Variants in ADAM7 observed in about 807,000 individuals in gnomAD.
ADAM7 encodes the protein disintegrin and metalloproteinase domain-containing protein 7.
A neutral mutation model predicts 102.9 loss-of-function variants in ADAM7; 97 were observed. The ratio of observed to expected loss-of-function variants is 0.94; its 90% CI spans 0.80 to 1.12. ADAM7 has a LOEUF of 1.12. Ranked by LOEUF, ADAM7 falls within the 50% of genes most tolerant of loss-of-function variation. ADAM7 has a pLI of 0.00. For missense variants in ADAM7, 991 were observed against 908.7 expected (o/e 1.09, Z -1.16); for synonymous variants, 334 against 304.4 (o/e 1.10, Z -1.01).
chr8:24,461,422 T>C (rs1043701121), intron 3 of ADAM7, among the ~76,000 whole-genome samples: 1 of 152,182 alleles, frequency 6.6e-6, no homozygotes, highest in African/African-American at 2.4e-5. Flanking sequence ...TGTCTTTCTC[T>C]TGCTGGTTTT....
chr8:24,471,578 C>T (rs1210737215), intron 7 of ADAM7, among the ~76,000 whole-genome samples: 1 of 151,784 alleles, frequency 6.6e-6, no homozygotes, highest in African/African-American at 2.4e-5. Context: ...ACATGCTCTA[C>T]AGGTTTGCAG....
chr8:24,464,583 A>G (rs1819361169), intron 4 of ADAM7, among the ~76,000 whole-genome samples: 1 of 152,132 alleles, frequency 6.6e-6, no homozygotes, highest in South Asian at 2.1e-4. Flanking sequence ...TATTTCCTCC[A>G]TTTAAAGCAA....
In ADAM7 at chr8:24,442,464, T is replaced by C. The variant is rs1181423974; in HGVS notation, c.53-9T>C. 6.3e-7 allele frequency: 1 copy of C among 1,596,562 alleles called. No homozygotes were observed. Among genetic ancestry groups the C allele is most frequent in the African/African-American group, 1.3e-5 (1 of 74,500 alleles). ...CAGACGGATTTTTTCCTCTTATGTT[T>C]CCTCGTAGAAAAGTTCATCCTTGGA... is the stretch of plus-strand genomic sequence containing the variant. On this transcript the variant is annotated splice_polypyrimidine_tract_variant and intron_variant, in intron 1 of 21. Coordinates refer to ENST00000175238, the MANE Select transcript of ADAM7 (RefSeq NM_003817.4).
intron 9 of ADAM7, 24 bp from the exon 10 acceptor site, chr8:24,485,253 A>C (rs780265327): frequency 6.2e-7 from 1 of 1,601,628 alleles, no homozygotes; most frequent in Non-Finnish European, 8.5e-7. Context: ...CAGATTGAAG[A>C]CTATTTTTGC....
At chr8:24,464,893 T>C (rs1361173953) in intron 4 of ADAM7, among the ~76,000 whole-genome samples, 1 of 132,440 alleles carries the variant, frequency 7.6e-6, no homozygotes, top group African/African-American at 2.7e-5. Flanking sequence ...TTCAAGCGAT[T>C]CTCCTGCCTC....
At chr8:24,467,109 C>T in intron 6 of ADAM7, 121 bp downstream of exon 6, 1 of 988,466 alleles carries the variant, frequency 1.0e-6, no homozygotes, top group Non-Finnish European at 1.5e-6. Flanking sequence ...TCTGGCACTT[C>T]ATCTGATATT....
chr8:24,449,622 T>G (rs1292535684), intron 3 of ADAM7, among the ~76,000 whole-genome samples: 3 of 152,206 alleles, frequency 2.0e-5, no homozygotes, highest in Non-Finnish European at 4.4e-5. Context: ...TGATAGTAGT[T>G]TCTTTTGCTG....
chr8:24,443,954 T>A (rs1585843222), intron 2 of ADAM7, among the ~76,000 whole-genome samples: 1 of 149,832 alleles, frequency 6.7e-6, no homozygotes, highest in East Asian at 1.9e-4. Context: ...TAAAATAAAA[T>A]AAAATAAAAT....
chr8:24,464,343 C>T (rs1054871389), intron 4 of ADAM7, among the ~76,000 whole-genome samples: 1 of 152,138 alleles, frequency 6.6e-6, no homozygotes, highest in Non-Finnish European at 1.5e-5. Flanking sequence ...ATTAATTGAT[C>T]CTTATGTGAT....
intron 6 of ADAM7, 75 bp from the exon 7 acceptor site, chr8:24,468,691 GA>G (rs1180172110): frequency 7.6e-7 from 1 of 1,310,026 alleles, no homozygotes; most frequent in Non-Finnish European, 1.1e-6. Flanking sequence ...AAAATACTAG[GA>G]TTTTTTTTCC....
intron 3 of ADAM7, among the ~76,000 whole-genome samples, chr8:24,450,943 A>G (rs1442504629): frequency 2.0e-5 from 3 of 152,114 alleles, no homozygotes; most frequent in South Asian, 2.1e-4. Context: ...TTTATATGCT[A>G]GATTACATTT....
At chr8:24,490,152 C>G (rs563677053) in intron 12 of ADAM7, among the ~76,000 whole-genome samples, 1 of 152,084 alleles carries the variant, frequency 6.6e-6, no homozygotes, top group South Asian at 2.1e-4. Context: ...CATAATCAGA[C>G]TGGGGACAGT....
At chr8:24,504,233 G>T (rs1406365732) in intron 20 of ADAM7, among the ~76,000 whole-genome samples, 3 of 151,604 alleles carry the variant, frequency 2.0e-5, no homozygotes, top group Admixed American at 2.0e-4. Flanking sequence ...AAACATAATG[G>T]TGCACACCTG....
At chr8:24,479,361 TTTTTGTTTTG>T (rs556899516) in intron 8 of ADAM7, among the ~76,000 whole-genome samples, 29 of 152,084 alleles carry the variant, frequency 1.9e-4, no homozygotes, top group African/African-American at 6.0e-4. Flanking sequence ...TAGAAGGCTA[TTTTTGTTTTG>T]TTTTGTTTTG....
In ADAM7 at chr8:24,466,869, T is replaced by G. The variant is rs200526194; in HGVS notation, c.460T>G (p.Leu154Val). 6.2e-7 allele frequency: 1 copy of G among 1,614,050 alleles called. No homozygotes were observed. The highest frequency in any genetic ancestry group is 1.3e-5 in the African/African-American group (1 of 75,042). The change falls in exon 6 of 22, where the codon TTG becomes GTG. Residue 154 changes from leucine (L) to valine (V), a missense_variant. Transcript: ENST00000175238. Reference sequence around the variant, plus strand: ...GAAATACTCAGATGAGGGAGAACATTTGGTGTTCAAATATAACCTGAGGGT... The same window carrying G: ...GAAATACTCAGATGAGGGAGAACATGTGGTGTTCAAATATAACCTGAGGGT... ...PVKYSDEGEHLVFKYNLRVPY... is the reference protein window; with the variant it reads ...PVKYSDEGEHVVFKYNLRVPY...
rs758258853 is a variant in ADAM7 at position 24,482,149 on chromosome 8, A to G, written c.713A>G (p.Lys238Arg). ...GATTTCTTCTTTGAACAGATTTATA[A>G]AACCTTAAACATCCATGTGACGTTG... Reference protein sequence around the residue: ...GMVNFVNMIYKTLNIHVTLVG... With the variant: ...GMVNFVNMIYRTLNIHVTLVG... Residue 238 changes from lysine (K) to arginine (R), a missense_variant, in exon 9 of 22, where the codon AAA becomes AGA. By Grantham distance (26) the Lys-to-Arg change is conservative. Coordinates refer to ENST00000175238, the MANE Select transcript of ADAM7 (RefSeq NM_003817.4). 15 of 1,578,914 alleles carry G rather than the reference A, an allele frequency of 9.5e-6. No individual in the cohort carries two copies. The East Asian group carries it at 3.4e-4, about 36-fold the overall frequency.
intron 1 of ADAM7, among the ~76,000 whole-genome samples, chr8:24,442,138 C>G (rs992928447): frequency 3.3e-5 from 5 of 151,012 alleles, no homozygotes; most frequent in African/African-American, 9.7e-5. Context: ...CACGCCACTA[C>G]ACTCCAGCCT....
intron 8 of ADAM7, among the ~76,000 whole-genome samples, chr8:24,479,075 T>G (rs1488141743): frequency 1.3e-5 from 2 of 152,068 alleles, no homozygotes; most frequent in African/African-American, 4.8e-5. Flanking sequence ...AGGCTTTTAT[T>G]GAGAGCCAGC....
rs1821030363 is a variant in ADAM7 at position 24,508,691 on chromosome 8, G to A, written c.*145G>A. ...CTTTATCCAGACAGACAATGTTTAA[G>A]AGAAACAACTTATTTCTGTTAATAT... On this transcript the variant is annotated 3_prime_UTR_variant, in exon 22 of 22. Coordinates refer to ENST00000175238, the MANE Select transcript of ADAM7 (RefSeq NM_003817.4). 18 of 1,493,094 alleles carry A rather than the reference G, an allele frequency of 1.2e-5. No homozygotes were observed. The highest frequency in any genetic ancestry group is 1.6e-5 in the Non-Finnish European group (18 of 1,116,048). The allele number at this position is 1,493,094 out of a possible 1,614,324, so 92.5% of individuals were successfully genotyped here.
Sources: allele counts gnomAD v4.1 joint callset (sites outside exome capture counted in the v4.1 genomes callset), GRCh38; gene constraint gnomAD v4.1.1; transcripts MANE v1.5; gene names NCBI Gene and HGNC (gene_info 2026-07-23, HGNC 2026-07-21).